Variants in GPM6B observed in about 807,000 individuals in gnomAD.
The protein encoded by GPM6B is neuronal membrane glycoprotein M6-b.
A neutral mutation model predicts 27.2 loss-of-function variants in GPM6B; 4 were observed. That is an observed-to-expected ratio of 0.15 (90% CI 0.07 to 0.34). The LOEUF (loss-of-function observed/expected upper bound fraction) is 0.34. Among genes scored for constraint, GPM6B ranks in the 10% least tolerant of loss-of-function variants. The probability of loss-of-function intolerance (pLI) is 1.00; values close to 1 mark genes in which losing one functional copy is unlikely to be tolerated. For missense variants in GPM6B, 183 were observed against 261.9 expected, an observed-to-expected ratio of 0.70 and a Z score of 2.08; for synonymous variants, 124 against 103.1, an observed-to-expected ratio of 1.20 and a Z score of -1.23.
At position 13,857,158 on chromosome X, in the gene GPM6B, G is replaced by C. The variant is rs2049791034; in HGVS notation, c.-197-71350C>G. 2.7e-5 allele frequency among the ~76,000 whole-genome samples: 3 copies of C among 111,185 alleles called. No homozygotes were observed. The Admixed American group carries it at 2.9e-4, about 11-fold the overall frequency. On this transcript the variant is annotated intron_variant, in intron 1 of 6. Transcript: ENST00000398361. ...ATTGGGCCCACTGAGATAATCCAGA[G>C]TAATCTCCCCATTTTGAGATCCTTA...
Position 13,777,405 on chromosome X carries a change from A to G in GPM6B, c.718T>C (p.Phe240Leu). Residue 240 changes from phenylalanine to leucine, a missense_variant, in exon 6 of 8, where the codon TTC becomes CTC. Coordinates refer to ENST00000316715, the MANE Select transcript of GPM6B (RefSeq NM_001001995.3). Reference sequence around the variant, plus strand: ...GCAGAGCCACATATTTTTCCGGGGAAAGCATTCCAAGGAATGATACCTGTA... The same window carrying G: ...GCAGAGCCACATATTTTTCCGGGGAGAGCATTCCAAGGAATGATACCTGTA... ...RQYGIIPWNA[F>L]PGKICGSALE... 8.3e-7 allele frequency: 1 copy of G among 1,198,482 alleles called. No homozygotes were observed. Among genetic ancestry groups the G allele is most frequent in the Non-Finnish European group, 1.1e-6 (1 of 883,350 alleles).
intron 1 of GPM6B, among the ~76,000 whole-genome samples, chrX:13,852,033 G>C (rs1257969425): frequency 9.1e-6 from 1 of 110,439 alleles, no homozygotes; most frequent in African/African-American, 3.3e-5. Flanking sequence ...GATATCCTTA[G>C]GCAGGGCATC....
chrX:13,844,493 A>G (rs2049620227), intron 1 of GPM6B, among the ~76,000 whole-genome samples: 1 of 112,655 alleles, frequency 8.9e-6, no homozygotes, highest in African/African-American at 3.2e-5. Context: ...CACATCCTGT[A>G]ACAGCCAAAT....
intron 1 of GPM6B, among the ~76,000 whole-genome samples, chrX:13,838,229 T>G (rs1344949971): frequency 8.9e-6 from 1 of 111,920 alleles, no homozygotes; most frequent in Non-Finnish European, 1.9e-5. Context: ...AGGCTGTCCC[T>G]GTCACCTTTG....
intron 2 of GPM6B, among the ~76,000 whole-genome samples, chrX:13,788,293 T>G: frequency 9.0e-6 from 1 of 111,344 alleles, no homozygotes; most frequent in Middle Eastern, 4.6e-3. Context: ...GGCTTCAAGA[T>G]AAATCCAATA....
At chrX:13,794,643 C>T in intron 2 of GPM6B, among the ~76,000 whole-genome samples, 1 of 112,269 alleles carries the variant, frequency 8.9e-6, no homozygotes, top group Middle Eastern at 4.6e-3. Flanking sequence ...CCATAGTGTA[C>T]TTAGCAGGAA....
intron 2 of GPM6B, among the ~76,000 whole-genome samples, chrX:13,805,611 T>C (rs2049008100): frequency 8.9e-6 from 1 of 112,554 alleles, no homozygotes; most frequent in African/African-American, 3.2e-5. Context: ...GCCCAGATTC[T>C]GGTGTTTCAC....
chrX:13,848,803 T>C (rs2049680456), intron 1 of GPM6B, among the ~76,000 whole-genome samples: 1 of 112,392 alleles, frequency 8.9e-6, no homozygotes, highest in Admixed American at 9.4e-5. Context: ...GTTCACAGAA[T>C]CTAAGCATCC....
intron 1 of GPM6B, among the ~76,000 whole-genome samples, chrX:13,846,576 C>T (rs758161708): frequency 4.4e-4 from 48 of 109,866 alleles, no homozygotes; most frequent in African/African-American, 1.4e-3. Flanking sequence ...CTGCAAGCTC[C>T]GCCCTCTGGG....
intron 1 of GPM6B, among the ~76,000 whole-genome samples, chrX:13,827,085 A>G (rs2049381846): frequency 9.1e-6 from 1 of 109,520 alleles, no homozygotes; most frequent in Admixed American, 9.8e-5. Flanking sequence ...CTCTCACTCA[A>G]AGAGTCTGCA....
chrX:13,845,327 T>C (rs2049632709), intron 1 of GPM6B, among the ~76,000 whole-genome samples: 1 of 100,074 alleles, frequency 1.0e-5, no homozygotes, highest in Non-Finnish European at 2.1e-5. Flanking sequence ...TCTGAGCACC[T>C]GAAAGGCTTC....
At chrX:13,823,896 C>A (rs1190213903) in intron 1 of GPM6B, among the ~76,000 whole-genome samples, 3 of 112,348 alleles carry the variant, frequency 2.7e-5, no homozygotes, top group Non-Finnish European at 5.6e-5. Flanking sequence ...GTGATGGAAA[C>A]TGGTGCTGCA....
chrX:13,813,663 T>C (rs1345061490), intron 1 of GPM6B, among the ~76,000 whole-genome samples: 1 of 112,315 alleles, frequency 8.9e-6, no homozygotes, highest in Non-Finnish European at 1.9e-5. Context: ...TTCAGATGCA[T>C]TTATTTTCAC....
upstream of GPM6B, chrX:13,817,145 C>A (rs374160828): frequency 3.1e-5 from 29 of 935,731 alleles, no homozygotes; most frequent in East Asian, 5.8e-4. Context: ...CATACGTCAC[C>A]GAGGATCCCA....
At chrX:13,796,030 G>A (rs970695498) in intron 2 of GPM6B, among the ~76,000 whole-genome samples, 7 of 111,643 alleles carry the variant, frequency 6.3e-5, no homozygotes, top group Admixed American at 5.7e-4. Context: ...AGGTTCAAGC[G>A]ATTCTCCTGC....
At chrX:13,876,272 A>G (rs752362956) in intron 1 of GPM6B, among the ~76,000 whole-genome samples, 1 of 112,035 alleles carries the variant, frequency 8.9e-6, no homozygotes, top group African/African-American at 3.2e-5. Flanking sequence ...AAGATTACAG[A>G]TTAGGTCCTA....
At chrX:13,906,484 T>G (rs933130723) in intron 1 of GPM6B, among the ~76,000 whole-genome samples, 1 of 111,934 alleles carries the variant, frequency 8.9e-6, no homozygotes, top group Non-Finnish European at 1.9e-5. Context: ...ATTTGATACA[T>G]TTTTTCTTTA....
At chrX:13,851,298 C>A (rs149449999) in intron 1 of GPM6B, among the ~76,000 whole-genome samples, 232 of 111,418 alleles carry the variant, frequency 2.1e-3, no homozygotes, top group African/African-American at 7.2e-3. Flanking sequence ...TCACCTCTGC[C>A]ACTTACCAGC....
chrX:13,936,298 T>C (rs1921833622), intron 1 of GPM6B, among the ~76,000 whole-genome samples: 1 of 112,363 alleles, frequency 8.9e-6, no homozygotes, highest in Admixed American at 9.4e-5. Context: ...CACTACTCAT[T>C]ATTTTATTTT....
Sources: allele counts gnomAD v4.1 joint callset (sites outside exome capture counted in the v4.1 genomes callset), GRCh38; gene constraint gnomAD v4.1.1; transcripts MANE v1.5; gene names NCBI Gene and HGNC (gene_info 2026-07-23, HGNC 2026-07-21).